The following ILKAP variants were observed in gnomAD, a reference collection of about 807,000 sequenced individuals.
ILKAP encodes the protein ILK associated serine/threonine phosphatase.
A neutral mutation model predicts 49.1 loss-of-function variants in ILKAP; 11 were observed. The ratio of observed to expected loss-of-function variants is 0.22; its 90% CI spans 0.14 to 0.37. ILKAP has a LOEUF of 0.37. Among genes scored for constraint, ILKAP ranks in the 10% least tolerant of loss-of-function variants. The pLI, the probability that ILKAP is intolerant of heterozygous loss-of-function variation, is 1.00. For synonymous variants in ILKAP, 186 were observed against 192.8 expected (o/e 0.96, Z 0.29); for missense variants, 363 against 510.8 (o/e 0.71, Z 2.79).
chr2:238,190,425 C>T (rs368446892), intron 3 of ILKAP, among the ~76,000 whole-genome samples: 1 of 152,170 alleles, frequency 6.6e-6, no homozygotes, highest in Non-Finnish European at 1.5e-5. Context: ...GTAATACATC[C>T]TTTCAAAGGC....
intron 3 of ILKAP, 117 bp from the exon 4 acceptor site, chr2:238,190,089 C>A: frequency 2.0e-6 from 2 of 996,418 alleles, no homozygotes; most frequent in Non-Finnish European, 2.9e-6. Context: ...CAAGGACTGG[C>A]AGACACAGGC....
At chr2:238,184,277 C>T (rs1388947729) in intron 6 of ILKAP, among the ~76,000 whole-genome samples, 164 bp from the exon 7 acceptor site, 1 of 152,230 alleles carries the variant, frequency 6.6e-6, no homozygotes, top group African/African-American at 2.4e-5. Flanking sequence ...GCAACCTCCG[C>T]CTCCCAGGTT....
intron 1 of ILKAP, among the ~76,000 whole-genome samples, chr2:238,200,823 AAAT>A (rs1419996883): frequency 2.0e-5 from 3 of 152,218 alleles, no homozygotes; most frequent in African/African-American, 4.8e-5. Flanking sequence ...GCTGTCTCAA[AAAT>A]AATAACCCTG....
intron 9 of ILKAP, among the ~76,000 whole-genome samples, chr2:238,177,801 C>T (rs1159347804): frequency 1.3e-5 from 2 of 152,112 alleles, no homozygotes; most frequent in South Asian, 2.1e-4. Context: ...AATATCTGTT[C>T]GTGTCCCTGC....
intron 3 of ILKAP, among the ~76,000 whole-genome samples, chr2:238,191,112 A>G (rs1651726316): frequency 6.7e-6 from 1 of 150,294 alleles, no homozygotes; most frequent in Non-Finnish European, 1.5e-5. Context: ...GAACCACTAC[A>G]CCCGGCTAAT....
intron 3 of ILKAP, among the ~76,000 whole-genome samples, chr2:238,193,774 C>T (rs1215262532): frequency 6.6e-6 from 1 of 152,208 alleles, no homozygotes; most frequent in Admixed American, 6.5e-5. Context: ...CCTCACCTTC[C>T]CCAACCAGAG....
intron 8 of ILKAP, among the ~76,000 whole-genome samples, chr2:238,183,323 G>A (rs948324423): frequency 2.0e-5 from 3 of 152,152 alleles, no homozygotes; most frequent in African/African-American, 4.8e-5. Context: ...AATAAAAGAA[G>A]ATTTAGGCTA....
chr2:238,194,657 G>T, intron 2 of ILKAP, 148 bp downstream of exon 2: 1 of 776,746 alleles, frequency 1.3e-6, no homozygotes. Context: ...TGCCTTACCT[G>T]ATGCCATGGA....
In ILKAP at chr2:238,189,908, G is replaced by C. The variant is rs1035247139; in HGVS notation, c.243C>G (p.Thr81=). Residue 81 remains threonine (T), a synonymous_variant, in exon 4 of 12, where the codon ACC becomes ACG. Transcript: ENST00000254654. ...KTEGKGAKRK[T]SEEEKNGSEE... ...CACTGCCATTCTTCTCTTCCTCGGA[G>C]GTTTTTCTCTTTGCTCCTTTCCCTT... The C allele has an allele frequency of 1.2e-6, 2 of 1,613,868 alleles. No individual in the cohort carries two copies. Among genetic ancestry groups the C allele is most frequent in the Admixed American group, 3.3e-5 (2 of 60,006 alleles).
chr2:238,189,696 A>C, intron 4 of ILKAP, 157 bp downstream of exon 4: 1 of 582,952 alleles, frequency 1.7e-6, no homozygotes, highest in Non-Finnish European at 2.9e-6. Context: ...GAGAAAGCAC[A>C]GAGAAACTTG....
chr2:238,191,938 C>T (rs1488683820), intron 3 of ILKAP, among the ~76,000 whole-genome samples: 3 of 150,164 alleles, frequency 2.0e-5, no homozygotes, highest in Admixed American at 1.3e-4. Context: ...AAAGGCCAGG[C>T]GCAGCGGCTC....
chr2:238,191,912 A>C (rs1329878997), intron 3 of ILKAP, among the ~76,000 whole-genome samples: 2 of 151,684 alleles, frequency 1.3e-5, no homozygotes, highest in African/African-American at 4.8e-5. Flanking sequence ...CTCAAAAAAA[A>C]AAAAAAGAAA....
At chr2:238,197,472 G>C (rs1451005947) in intron 1 of ILKAP, among the ~76,000 whole-genome samples, 1 of 152,126 alleles carries the variant, frequency 6.6e-6, no homozygotes, top group Non-Finnish European at 1.5e-5. Flanking sequence ...GCTTGTACCA[G>C]GTCATATTTT....
chr2:238,202,475 A>C (rs1694609444), intron 1 of ILKAP, among the ~76,000 whole-genome samples: 1 of 152,124 alleles, frequency 6.6e-6, no homozygotes, highest in Non-Finnish European at 1.5e-5. Context: ...ACCCTACAAC[A>C]GCAGCTCCCA....
chr2:238,170,753 AG>A (rs1574774147), intron 11 of ILKAP, 77 bp from the exon 12 acceptor site: 16 of 1,597,030 alleles, frequency 1.0e-5, no homozygotes, highest in Non-Finnish European at 1.4e-5. Context: ...ACTGCCAGGA[AG>A]AAGAGCTGCT....
intron 1 of ILKAP, among the ~76,000 whole-genome samples, chr2:238,195,880 A>G (rs1694321101): frequency 6.6e-6 from 1 of 151,686 alleles, no homozygotes; most frequent in Admixed American, 6.6e-5. Flanking sequence ...ATGTCTATGA[A>G]AAAAATACAA....
At position 238,197,066 on chromosome 2, in the gene ILKAP, G is replaced by T. The variant is rs138068294; in HGVS notation, c.56-2196C>A. Among the ~76,000 whole-genome samples, 4 of 152,218 alleles carry T rather than the reference G, an allele frequency of 2.6e-5. No individual in the cohort carries two copies. The East Asian group carries it at 7.7e-4, about 29-fold the overall frequency. ...CAAAAATTAGCTAGGCATGGTGGCG[G>T]GTGCCTGTAGCCCCAGCTACTTGGG... On this transcript the variant is annotated intron_variant, in intron 1 of 11. Coordinates refer to ENST00000254654, the MANE Select transcript of ILKAP (RefSeq NM_030768.3).
intron 9 of ILKAP, among the ~76,000 whole-genome samples, chr2:238,178,706 T>A (rs1693571182): frequency 6.6e-6 from 1 of 152,242 alleles, no homozygotes; most frequent in Non-Finnish European, 1.5e-5. Flanking sequence ...GACATAGAAC[T>A]AATGACACTC....
chr2:238,171,311 C>G (rs556955158), intron 10 of ILKAP, among the ~76,000 whole-genome samples: 4 of 152,028 alleles, frequency 2.6e-5, no homozygotes, highest in Non-Finnish European at 5.9e-5. Flanking sequence ...AGGTGCCCGG[C>G]ACCACGCCCG....
Sources: allele counts gnomAD v4.1 joint callset (sites outside exome capture counted in the v4.1 genomes callset), GRCh38; gene constraint gnomAD v4.1.1; transcripts MANE v1.5; gene names NCBI Gene and HGNC (gene_info 2026-07-23, HGNC 2026-07-21).